The following PRMT1 variants were observed in gnomAD, a reference collection of about 807,000 sequenced individuals.
PRMT1 encodes the protein protein arginine N-methyltransferase 1.
A neutral mutation model predicts 47.4 loss-of-function variants in PRMT1; 5 were observed. The observed-to-expected ratio is 0.11, with a 90% CI of 0.06 to 0.22. The LOEUF (loss-of-function observed/expected upper bound fraction) is 0.22, where lower values mean the gene tolerates loss of function less well. Ranked by LOEUF, PRMT1 falls within the 10% of genes least tolerant of loss-of-function variation. PRMT1 has a pLI of 1.00. For synonymous variants in PRMT1, 227 were observed against 204.6 expected (o/e 1.11, Z -0.94); for missense variants, 249 against 518.4 (o/e 0.48, Z 5.05).
In PRMT1 at chr19:49,680,375, T is replaced by G. The variant is rs1473380251; in HGVS notation, c.91-112T>G. 6 of 1,115,624 alleles carry G rather than the reference T, an allele frequency of 5.4e-6. No homozygotes were observed. The highest frequency in any genetic ancestry group is 2.0e-4 in the Middle Eastern group (1 of 4,968). The allele number at this position is 1,115,624 out of a possible 1,614,324, so 69.1% of individuals were successfully genotyped here. Reference sequence around the variant, plus strand: ...GGCGGGGGCTGTAGGGTTGTCATGGTATGATTTTGGGGGTTCTATACTACT... The same window carrying G: ...GGCGGGGGCTGTAGGGTTGTCATGGGATGATTTTGGGGGTTCTATACTACT... On this transcript the variant is annotated intron_variant, in intron 2 of 10. Transcript: ENST00000454376. This position sits in a 1 kb window ranked among gnomAD's most constrained non-coding sequence, Gnocchi z 4.2.
Position 49,680,019 on chromosome 19 carries a change from C to A in PRMT1, c.90+94C>A. 2 of 1,348,456 alleles carry A rather than the reference C, an allele frequency of 1.5e-6. No individual in the cohort carries two copies. The highest frequency in any genetic ancestry group is 2.1e-6 in the Non-Finnish European group (2 of 960,498). 83.5% of individuals were successfully genotyped at this position (1,348,456 alleles called of 1,614,324 possible). Reference sequence around the variant, plus strand: ...GCCCTTTCTTGAGGTCTAACCATACCCCTCTTGCTTCAAACCAGTTTACCC... The same window carrying A: ...GCCCTTTCTTGAGGTCTAACCATACACCTCTTGCTTCAAACCAGTTTACCC... On this transcript the variant is annotated intron_variant, in intron 2 of 10. Transcript: ENST00000454376. The surrounding 1 kb of genome is among the most constrained non-coding windows in gnomAD (Gnocchi z 4.2).
chr19:49,677,645 C>A (rs966982486), intron 1 of PRMT1: 2 of 233,962 alleles, frequency 8.5e-6, no homozygotes, highest in African/African-American at 2.3e-5. Context: ...GCGGGCTCCA[C>A]GTGCGGGACA....
In PRMT1 at chr19:49,680,331, C is replaced by T; in HGVS notation, c.91-156C>T. On this transcript the variant is annotated intron_variant, in intron 2 of 10. Transcript: ENST00000454376. The surrounding 1 kb of genome is among the most constrained non-coding windows in gnomAD (Gnocchi z 4.2). ...ATGGGGTTGTTAGGTTTTGGGGTTC[C>T]TGGGGGGGCAAGATGGCAGGCGGGG... The T allele has an allele frequency of 8.4e-7, 1 of 1,189,856 alleles. No homozygotes were observed. The allele number at this position is 1,189,856 out of a possible 1,614,324, so 73.7% of individuals were successfully genotyped here.
Position 49,685,197 on chromosome 19 carries a change from C to T in PRMT1, c.759+160C>T, listed in dbSNP as rs746171988. The T allele has an allele frequency of 3.9e-6, 6 of 1,536,842 alleles. No individual in the cohort carries two copies. Among genetic ancestry groups the T allele is most frequent in the South Asian group, 1.2e-5 (1 of 83,176 alleles). ...TGCTAGAGGCCCAGGAAAGACACTT[C>T]GTCCTTTAAATATCTTTGTGAGCGC... On this transcript the variant is annotated intron_variant, in intron 8 of 10. Coordinates refer to ENST00000454376, the MANE Select transcript of PRMT1 (RefSeq NM_001536.6). The surrounding 1 kb of genome is among the most constrained non-coding windows in gnomAD (Gnocchi z 4.7).
chr19:49,686,600 C>T lies in PRMT1; in HGVS notation c.911-5C>T. 6.2e-7 allele frequency: 1 copy of T among 1,610,240 alleles called. No individual in the cohort carries two copies. Among genetic ancestry groups the T allele is most frequent in the Non-Finnish European group, 8.5e-7 (1 of 1,178,992 alleles). On this transcript the variant is annotated splice_region_variant and splice_polypyrimidine_tract_variant and intron_variant, in intron 9 of 10. Coordinates refer to ENST00000454376, the MANE Select transcript of PRMT1 (RefSeq NM_001536.6). ...CGAGGCCGGCTGACCCGCCCGCGCC[C>T]CCAGGCCCCGAGTCCCCGTACACGC...
chr19:49,684,466 A>G lies in PRMT1; in HGVS notation c.556-288A>G, dbSNP rs563397401. Among the ~76,000 whole-genome samples the G allele has an allele frequency of 9.5e-4, 144 of 152,208 alleles. 1 individual carries two copies. Among genetic ancestry groups the G allele is most frequent in the African/African-American group, 2.9e-3 (122 of 41,528 alleles). On this transcript the variant is annotated intron_variant, in intron 6 of 10. Coordinates refer to ENST00000454376, the MANE Select transcript of PRMT1 (RefSeq NM_001536.6). The surrounding 1 kb of genome is among the most constrained non-coding windows in gnomAD (Gnocchi z 6.2). ...GGAGGAGGAGTGGAGGTGAGGGGTG[A>G]CAGGGCGTGTGCAGATTTTGTGGAG...
At chr19:49,686,488 C>T in intron 9 of PRMT1, 117 bp from the exon 10 acceptor site, 3 of 1,271,768 alleles carry the variant, frequency 2.4e-6, no homozygotes, top group Non-Finnish European at 3.2e-6. Context: ...AGGGAGGTGA[C>T]TCGCGGATAG....
chr19:49,680,338 G>A lies in PRMT1; in HGVS notation c.91-149G>A, dbSNP rs962208391. On this transcript the variant is annotated intron_variant, in intron 2 of 10. Coordinates refer to ENST00000454376, the MANE Select transcript of PRMT1 (RefSeq NM_001536.6). This position sits in a 1 kb window ranked among gnomAD's most constrained non-coding sequence, Gnocchi z 4.2. ...TGTTAGGTTTTGGGGTTCCTGGGGG[G>A]GCAAGATGGCAGGCGGGGGCTGTAG... The A allele has an allele frequency of 9.5e-7, 1 of 1,048,214 alleles. No homozygotes were observed. Among genetic ancestry groups the A allele is most frequent in the East Asian group, 2.5e-5 (1 of 40,280 alleles). 64.9% of individuals were successfully genotyped at this position (1,048,214 alleles called of 1,614,324 possible).
intron 10 of PRMT1, among the ~76,000 whole-genome samples, chr19:49,687,111 A>C (rs1207127270): frequency 2.6e-5 from 4 of 152,124 alleles, no homozygotes; most frequent in African/African-American, 9.7e-5. Flanking sequence ...CCAGGGCAAG[A>C]GGCAGCCCCC....
Position 49,685,317 on chromosome 19 carries a change from G to A in PRMT1, c.759+280G>A. ...CCACAGCCCATGCACGGAAAGGCAG[G>A]ACCCCAGGGCGATGAGCGGATGCAC... On this transcript the variant is annotated intron_variant, in intron 8 of 10. Coordinates refer to ENST00000454376, the MANE Select transcript of PRMT1 (RefSeq NM_001536.6). The surrounding 1 kb of genome is among the most constrained non-coding windows in gnomAD (Gnocchi z 4.7). 1 of 1,364,576 alleles carries A rather than the reference G, an allele frequency of 7.3e-7. No homozygotes were observed. Among genetic ancestry groups the A allele is most frequent in the Non-Finnish European group, 9.5e-7 (1 of 1,052,724 alleles). The allele number at this position is 1,364,576 out of a possible 1,614,324, so 84.5% of individuals were successfully genotyped here. A position where few individuals can be genotyped will look rare whatever the true frequency, so the allele number is the denominator to read the frequency against.
At chr19:49,679,635 G>A (rs1705584354) in intron 1 of PRMT1, 5 of 697,848 alleles carry the variant, frequency 7.2e-6, no homozygotes, top group South Asian at 3.0e-5. Context: ...CAGCGTGGGG[G>A]TGGGCCACCA....
At position 49,688,019 on chromosome 19, in the gene PRMT1, G is replaced by A; in HGVS notation, c.1033-143G>A. On this transcript the variant is annotated intron_variant, in intron 10 of 10. Transcript: ENST00000454376. This position sits in a 1 kb window ranked among gnomAD's most constrained non-coding sequence, Gnocchi z 5.3. ...CTTGGCAGGGTCAGGGCAGCTGCTA[G>A]GGTGGGACCAGCAGTTGGGGTCTGC... is the stretch of plus-strand genomic sequence containing the variant. The A allele has an allele frequency of 1.3e-6, 1 of 771,566 alleles. No homozygotes were observed. The highest frequency in any genetic ancestry group is 1.8e-5 in the Admixed American group (1 of 55,324). The allele number at this position is 771,566 out of a possible 1,614,324, so 47.8% of individuals were successfully genotyped here. A position where few individuals can be genotyped will look rare whatever the true frequency, so the allele number is the denominator to read the frequency against.
In PRMT1 at chr19:49,684,644, C is replaced by T; in HGVS notation, c.556-110C>T. ...ACCAGGGGGCGAGGGGTGAGTGCCG[C>T]TGCGACATGAGGGTGGCCCAGACCA... On this transcript the variant is annotated intron_variant, in intron 6 of 10. Coordinates refer to ENST00000454376, the MANE Select transcript of PRMT1 (RefSeq NM_001536.6). The surrounding 1 kb of genome is among the most constrained non-coding windows in gnomAD (Gnocchi z 6.2). 1 of 1,265,354 alleles carries T rather than the reference C, an allele frequency of 7.9e-7. No individual in the cohort carries two copies. The highest frequency in any genetic ancestry group is 1.1e-6 in the Non-Finnish European group (1 of 904,490). The allele number at this position is 1,265,354 out of a possible 1,614,324, so 78.4% of individuals were successfully genotyped here. A position where few individuals can be genotyped will look rare whatever the true frequency, so the allele number is the denominator to read the frequency against.
Position 49,685,392 on chromosome 19 carries a change from A to C in PRMT1, c.759+355A>C. On this transcript the variant is annotated intron_variant, in intron 8 of 10. Transcript: ENST00000454376. The surrounding 1 kb of genome is among the most constrained non-coding windows in gnomAD (Gnocchi z 4.7). ...GCACGGGGCCAGGCTGGGCTCCGAG[A>C]TGTGCCTGAGGTCCCAGCTACTCGG... The C allele has an allele frequency of 8.2e-7, 1 of 1,225,340 alleles. No individual in the cohort carries two copies. The highest frequency in any genetic ancestry group is 1.0e-6 in the Non-Finnish European group (1 of 968,932). The allele number at this position is 1,225,340 out of a possible 1,614,324, so 75.9% of individuals were successfully genotyped here. A position where few individuals can be genotyped will look rare whatever the true frequency, so the allele number is the denominator to read the frequency against.
At chr19:49,678,718 C>T (rs1358910312) in intron 1 of PRMT1, among the ~76,000 whole-genome samples, 1 of 152,046 alleles carries the variant, frequency 6.6e-6, no homozygotes, top group Non-Finnish European at 1.5e-5. Context: ...TCCCAGGGGT[C>T]ACTGTAATGA....
chr19:49,683,717 A>C (rs955873101), intron 5 of PRMT1: 2 of 515,974 alleles, frequency 3.9e-6, no homozygotes, highest in Non-Finnish European at 6.8e-6. Context: ...AAGTAACATC[A>C]CCTGATACCC....
intron 10 of PRMT1, chr19:49,687,803 T>C (rs1438946276): frequency 2.9e-6 from 1 of 345,708 alleles, no homozygotes; most frequent in East Asian, 6.0e-5. Flanking sequence ...GGCTGGACCA[T>C]TGTGTTTCAC....
Position 49,679,893 on chromosome 19 carries a change from A to G in PRMT1, c.58A>G (p.Asn20Asp). 1.9e-6 allele frequency: 3 copies of G among 1,613,074 alleles called. No homozygotes were observed. Among genetic ancestry groups the G allele is most frequent in the African/African-American group, 2.7e-5 (2 of 74,968 alleles). Residue 20 changes from asparagine to aspartate, a missense_variant, in exon 2 of 11, where the codon AAT becomes GAT. Around this residue, in one of 2 missense-constraint regions of PRMT1, gnomAD observed 59 missense variants for 61.7 expected, o/e 0.96. Coordinates refer to ENST00000454376, the MANE Select transcript of PRMT1 (RefSeq NM_001536.6). ...CTAGAATTTTGTAGCCACCTTGGCTAATGGGATGAGCCTCCAGCCGCCTCT... is the reference window on the plus strand; with the variant it reads ...CTAGAATTTTGTAGCCACCTTGGCTGATGGGATGAGCCTCCAGCCGCCTCT... ...IMENFVATLA[N>D]GMSLQPPLEE...
At chr19:49,677,731 C>G (rs576328195) in intron 1 of PRMT1, 42 of 160,668 alleles carry the variant, frequency 2.6e-4, no homozygotes, top group Middle Eastern at 2.8e-3. Context: ...GCCCCCAGCC[C>G]TCCTCCCCGG....
Sources: allele counts gnomAD v4.1 joint callset (sites outside exome capture counted in the v4.1 genomes callset), GRCh38; gene constraint gnomAD v4.1.1; regional missense constraint gnomAD v4.1.1; non-coding constraint Gnocchi (gnomAD v3.1); transcripts MANE v1.5; gene names NCBI Gene and HGNC (gene_info 2026-07-23, HGNC 2026-07-21).